AHNAK: variants seen among roughly 807,000 people sequenced by gnomAD.
AHNAK encodes the protein AHNAK nucleoprotein, also known as neuroblast differentiation-associated protein AHNAK.
AHNAK carries 23 observed loss-of-function variants against 37.8 expected under a neutral mutation model. The ratio of observed to expected loss-of-function variants is 0.61; its 90% confidence interval spans 0.44 to 0.86. The LOEUF is 0.86. Among genes scored for constraint, AHNAK ranks in the 40% least tolerant of loss-of-function variants. AHNAK has a pLI of 0.00. For missense variants in AHNAK, 7,411 were observed against 7,319.4 expected (o/e 1.01, Z -0.46); for synonymous variants, 2,481 against 2,636.3 (o/e 0.94, Z 1.80).
intron 5 of AHNAK, among the ~76,000 whole-genome samples, chr11:62,465,333 C>T (rs958186225): frequency 1.2e-4 from 18 of 152,006 alleles, no homozygotes; most frequent in African/African-American, 4.1e-4. Context: ...ACCGTGCGGT[C>T]GCTGGGCATG....
intron 1 of AHNAK, among the ~76,000 whole-genome samples, chr11:62,544,225 G>A (rs996189823): frequency 4.6e-5 from 7 of 152,094 alleles, no homozygotes; most frequent in Non-Finnish European, 1.5e-5. Context: ...AGCCAACTCC[G>A]TACCCTGGGC....
At chr11:62,495,752 AAAAT>A (rs1939596345) in intron 4 of AHNAK, among the ~76,000 whole-genome samples, 1 of 150,236 alleles carries the variant, frequency 6.7e-6, no homozygotes, top group Admixed American at 6.6e-5. Flanking sequence ...AAAAAAAAAA[AAAAT>A]AGCAGTAATA....
intron 5 of AHNAK, among the ~76,000 whole-genome samples, chr11:62,473,684 CAAA>C (rs34646308): frequency 1.4e-5 from 2 of 145,692 alleles, no homozygotes. Flanking sequence ...GACTCCGTCT[CAAA>C]AAAAAAAAAG....
intron 5 of AHNAK, among the ~76,000 whole-genome samples, chr11:62,473,443 C>G (rs1939081483): frequency 6.7e-6 from 1 of 150,168 alleles, no homozygotes; most frequent in South Asian, 2.1e-4. Flanking sequence ...CGCCTGTAAT[C>G]CCAGCACTTT....
intron 1 of AHNAK, among the ~76,000 whole-genome samples, chr11:62,536,771 T>C (rs573803939): frequency 6.6e-5 from 10 of 152,164 alleles, no homozygotes; most frequent in Admixed American, 3.9e-4. Context: ...TGCAGTCAGA[T>C]CCTGGCTCTG....
intron 5 of AHNAK, among the ~76,000 whole-genome samples, chr11:62,442,934 G>C (rs912251590): frequency 2.2e-4 from 34 of 152,006 alleles, no homozygotes; most frequent in Non-Finnish European, 4.6e-4. Flanking sequence ...GATGCACCTG[G>C]GTGACCTAAG....
chr11:62,494,907 C>T lies in AHNAK; in HGVS notation c.343-3076G>A, dbSNP rs937995281. Among the ~76,000 whole-genome samples, 9 of 150,146 alleles carry T rather than the reference C, an allele frequency of 6.0e-5. No homozygotes were observed. In the South Asian group the frequency reaches 6.3e-4, roughly 10 times the overall value. On this transcript the variant is annotated intron_variant, in intron 4 of 5. Coordinates refer to the AHNAK transcript ENST00000257247. ...CTCAGCTACTCAGGAGGCTGAGGCACGAGAATCGCTTGAACCCAGAAGGCG... is the reference window on the plus strand; with the variant it reads ...CTCAGCTACTCAGGAGGCTGAGGCATGAGAATCGCTTGAACCCAGAAGGCG...
Position 62,521,039 on chromosome 11 carries a change from A to T in AHNAK, c.13378T>A (p.Ser4460Thr). The T allele has an allele frequency of 6.2e-7, 1 of 1,613,996 alleles. No homozygotes were observed. Among genetic ancestry groups the T allele is most frequent in the Non-Finnish European group, 8.5e-7 (1 of 1,179,998 alleles). ...AGGTGCAAATCAAAGTCAGGCATAG[A>T]GATTTTGGGAGCTTTGATGTTCATC... ...PEMNIKAPKI[S>T]MPDFDLHLKG... Residue 4460 changes from serine to threonine, a missense_variant, in exon 5 of 5, where the codon TCT becomes ACT. By Grantham distance (58) the Ser-to-Thr change is moderately conservative (BLOSUM62 1). Transcript: ENST00000378024.
chr11:62,443,169 G>C (rs1023264069), intron 5 of AHNAK, among the ~76,000 whole-genome samples: 5 of 151,172 alleles, frequency 3.3e-5, no homozygotes, highest in Non-Finnish European at 7.4e-5. Flanking sequence ...GTAGTGATGG[G>C]GTTTCACCAT....
At position 62,520,312 on chromosome 11, in the gene AHNAK, G is replaced by T. The variant is rs371832611; in HGVS notation, c.14105C>A (p.Ala4702Glu). The change falls in exon 5 of 5, where the codon GCG (alanine) becomes GAG (glutamate). Residue 4702 changes from alanine (A) to glutamate (E), a missense_variant. By Grantham distance (107) the Ala-to-Glu change is moderately radical. Transcript: ENST00000378024. ...CTTGAACTTGGGGCCCTTTAGTTTC[G>T]CATCTGGACCTTCGATATTCACATC... ...VPDVNIEGPD[A>E]KLKGPKFKMP... The T allele has an allele frequency of 6.2e-7, 1 of 1,612,032 alleles. No homozygotes were observed. Among genetic ancestry groups the T allele is most frequent in the Non-Finnish European group, 8.5e-7 (1 of 1,179,600 alleles).
At chr11:62,439,305 T>C (rs1030430458) in intron 5 of AHNAK, among the ~76,000 whole-genome samples, 1 of 151,700 alleles carries the variant, frequency 6.6e-6, no homozygotes, top group Non-Finnish European at 1.5e-5. Flanking sequence ...GCTGTTTTAG[T>C]CAGGATGGTC....
Position 62,527,448 on chromosome 11 carries a change from T to C in AHNAK, c.6969A>G (p.Gly2323=). The change falls in exon 5 of 5, where the codon GGA becomes GGG. Residue 2323 remains glycine, a synonymous_variant. Transcript: ENST00000378024. ...CATCAACATCTCCTTTGATTTTGGGTCCCTTTAAATTGAAATCAACATCAG... is the reference window on the plus strand; with the variant it reads ...CATCAACATCTCCTTTGATTTTGGGCCCCTTTAAATTGAAATCAACATCAG... ...SMPDVDFNLK[G]PKIKGDVDVS... 6.2e-7 allele frequency: 1 copy of C among 1,614,058 alleles called. No individual in the cohort carries two copies. The highest frequency in any genetic ancestry group is 8.5e-7 in the Non-Finnish European group (1 of 1,179,976).
Position 62,526,857 on chromosome 11 carries a change from C to A in AHNAK, c.7560G>T (p.Met2520Ile). The change falls in exon 5 of 5, where the codon ATG becomes ATT. Residue 2520 changes from methionine (M) to isoleucine (I), a missense_variant. Transcript: ENST00000378024. ...MPKMKMPKFS[M>I]PGFKAEGPEV... The stretch of plus-strand genomic sequence containing the variant: ...CAGGGCCCTCTGCTTTGAAGCCAGG[C>A]ATGCTGAACTTGGGCATTTTCATCT... 6.2e-7 allele frequency: 1 copy of A among 1,614,064 alleles called. No individual in the cohort carries two copies. Among genetic ancestry groups the A allele is most frequent in the Non-Finnish European group, 8.5e-7 (1 of 1,180,012 alleles).
At chr11:62,438,514 G>T (rs1938229815) in intron 5 of AHNAK, among the ~76,000 whole-genome samples, 1 of 151,892 alleles carries the variant, frequency 6.6e-6, no homozygotes, top group African/African-American at 2.4e-5. Flanking sequence ...GTCATTTTTA[G>T]TTTTCTTATT....
chr11:62,443,115 GCA>G (rs1938346802), intron 5 of AHNAK, among the ~76,000 whole-genome samples: 1 of 150,854 alleles, frequency 6.6e-6, no homozygotes, highest in Admixed American at 6.6e-5. Context: ...GGGACTACAG[GCA>G]CATGCCACCA....
At position 62,532,282 on chromosome 11, in the gene AHNAK, T is replaced by C. The variant is rs145845956; in HGVS notation, c.2135A>G (p.Lys712Arg). ...VDLHVKGTKVKGEYDVTVPKL... is the reference protein window; with the variant it reads ...VDLHVKGTKVRGEYDVTVPKL... ...TGGTACAGTTACATCATACTCTCCC[T>C]TCACCTTTGTACCTTTCACGTGCAA... The change falls in exon 5 of 5, where the codon AAG becomes AGG. Residue 712 changes from lysine (K) to arginine (R), a missense_variant. Transcript: ENST00000378024. 1.9e-5 allele frequency: 31 copies of C among 1,613,904 alleles called. No homozygotes were observed. In the African/African-American group the frequency reaches 4.0e-4, roughly 21 times the overall value.
At chr11:62,493,637 T>G (rs982509849) in intron 4 of AHNAK, among the ~76,000 whole-genome samples, 4 of 146,230 alleles carry the variant, frequency 2.7e-5, no homozygotes, top group Non-Finnish European at 4.4e-5. Flanking sequence ...CCCAGCCTTT[T>G]TTTTATTTTT....
intron 5 of AHNAK, among the ~76,000 whole-genome samples, chr11:62,476,421 G>A (rs1397153437): frequency 4.6e-5 from 7 of 152,192 alleles, no homozygotes. Flanking sequence ...GGAGACAAGA[G>A]CCTTGAAGAT....
At chr11:62,484,148 A>T (rs1202293726) in intron 5 of AHNAK, among the ~76,000 whole-genome samples, 1 of 152,118 alleles carries the variant, frequency 6.6e-6, no homozygotes, top group African/African-American at 2.4e-5. Context: ...AGGCTGAGGC[A>T]GGAGGATCAC....
Sources: gnomAD v4.1 joint callset for allele counts (sites outside exome capture counted in the v4.1 genomes callset) on GRCh38, gnomAD v4.1.1 for gene constraint, MANE v1.5 for transcripts, NCBI Gene and HGNC (gene_info 2026-07-23, HGNC 2026-07-21) for gene names.